METTL15: variants seen among roughly 807,000 people sequenced by gnomAD.
METTL15 encodes 12S rRNA N(4)-cytidine methyltransferase METTL15.
METTL15 carries 34 observed loss-of-function variants against 38.3 expected under a neutral mutation model. The observed-to-expected ratio is 0.89, with a 90% CI of 0.68 to 1.18. The LOEUF (loss-of-function observed/expected upper bound fraction) is 1.18, where lower values mean the gene tolerates loss of function less well. Among genes scored for constraint, METTL15 ranks in the 50% most tolerant of loss-of-function variants. The probability of loss-of-function intolerance (pLI) is 0.00; values close to 1 mark genes in which losing one functional copy is unlikely to be tolerated. For missense variants in METTL15, 438 were observed against 498.4 expected, an observed-to-expected ratio of 0.88 and a Z score of 1.15; for synonymous variants, 162 against 170.9, an observed-to-expected ratio of 0.95 and a Z score of 0.41.
intron 6 of METTL15, among the ~76,000 whole-genome samples, chr11:28,511,044 GA>G (rs1851669591): frequency 6.6e-6 from 1 of 152,128 alleles, no homozygotes; most frequent in African/African-American, 2.4e-5. Flanking sequence ...TACAATTAAA[GA>G]GAACCCAGGA....
chr11:28,354,169 C>T (rs768037279), intron 4 of METTL15, among the ~76,000 whole-genome samples: 1 of 152,136 alleles, frequency 6.6e-6, no homozygotes, highest in Admixed American at 6.5e-5. Flanking sequence ...TAGGAAAGGT[C>T]CCAGCAGAAC....
At chr11:28,386,630 T>G (rs1850443966) in intron 5 of METTL15, among the ~76,000 whole-genome samples, 1 of 152,000 alleles carries the variant, frequency 6.6e-6, no homozygotes, top group Non-Finnish European at 1.5e-5. Context: ...AATATTAGGA[T>G]ACTCTACTTT....
chr11:28,455,422 A>G (rs1006097965), intron 6 of METTL15, among the ~76,000 whole-genome samples: 6 of 151,970 alleles, frequency 3.9e-5, no homozygotes, highest in African/African-American at 1.2e-4. Flanking sequence ...GTTACCATAG[A>G]CAATGCATTA....
rs1236292765 is a variant in METTL15 at position 28,387,898 on chromosome 11, G to T, written c.*358+25862G>T. Among the ~76,000 whole-genome samples the T allele has an allele frequency of 3.9e-5, 6 of 152,190 alleles. No homozygotes were observed. The South Asian group carries it at 1.2e-3, about 32-fold the overall frequency. On this transcript the variant is annotated intron_variant and NMD_transcript_variant, in intron 5 of 7. Transcript: ENST00000532947. ...GCAATGCAAATATGGTTCAGCAAAT[G>T]AAAGTCAATTCAGTGTAACATACTG...
At chr11:28,364,039 C>A (rs1024386019) in intron 5 of METTL15, among the ~76,000 whole-genome samples, 1 of 152,000 alleles carries the variant, frequency 6.6e-6, no homozygotes. Flanking sequence ...CGCTGGTCTG[C>A]GTGCCTGTTT....
intron 4 of METTL15, among the ~76,000 whole-genome samples, chr11:28,237,564 G>A (rs569776188): frequency 7.9e-5 from 12 of 152,170 alleles, no homozygotes; most frequent in South Asian, 6.2e-4. Flanking sequence ...CTTGTAGCTC[G>A]GAATAGTTTG....
At chr11:28,353,897 AGTCCG>A (rs1850066276) in intron 4 of METTL15, among the ~76,000 whole-genome samples, 1 of 146,768 alleles carries the variant, frequency 6.8e-6, no homozygotes, top group Admixed American at 6.9e-5. Context: ...TGCAGTCCGC[AGTCCG>A]GCCTGGGCGA....
chr11:28,115,943 C>CAG (rs1301165436), intron 3 of METTL15, among the ~76,000 whole-genome samples: 2 of 149,994 alleles, frequency 1.3e-5, no homozygotes, highest in Non-Finnish European at 1.5e-5. Context: ...CATACACACA[C>CAG]ACACACACAC....
chr11:28,508,849 G>A (rs1851651548), intron 6 of METTL15, among the ~76,000 whole-genome samples: 1 of 152,194 alleles, frequency 6.6e-6, no homozygotes, highest in South Asian at 2.1e-4. Flanking sequence ...AAAGGCAAGG[G>A]ACATCATTTA....
chr11:28,296,937 C>G lies in METTL15; in HGVS notation c.778+6C>G. 6.2e-7 allele frequency: 1 copy of G among 1,613,224 alleles called. No individual in the cohort carries two copies. The highest frequency in any genetic ancestry group is 1.1e-5 in the South Asian group (1 of 91,056). On this transcript the variant is annotated splice_donor_region_variant and intron_variant, in intron 6 of 6. Transcript: ENST00000407364. Reference sequence around the variant, plus strand: ...GCTTGCCAGCATCGTTGCAGGTAGCCTCATTAATTCTCAACAGTGTCTAAG... The same window carrying G: ...GCTTGCCAGCATCGTTGCAGGTAGCGTCATTAATTCTCAACAGTGTCTAAG...
intron 4 of METTL15, among the ~76,000 whole-genome samples, chr11:28,224,219 A>G (rs1463872740): frequency 1.3e-5 from 2 of 150,884 alleles, no homozygotes; most frequent in Non-Finnish European, 3.0e-5. Flanking sequence ...TCCTGTTTGA[A>G]TTTTTTTTTG....
At chr11:28,135,904 T>G (rs575723118) in intron 3 of METTL15, among the ~76,000 whole-genome samples, 24 of 152,318 alleles carry the variant, frequency 1.6e-4, no homozygotes, top group Admixed American at 3.3e-4. Flanking sequence ...TTCAGTTTTC[T>G]GTTAGTTCAG....
intron 5 of METTL15, among the ~76,000 whole-genome samples, chr11:28,399,763 AT>A (rs975092966): frequency 6.6e-6 from 1 of 151,894 alleles, no homozygotes; most frequent in African/African-American, 2.4e-5. Context: ...CAAAAATAAA[AT>A]TTTAAAAAAT....
chr11:28,480,020 G>C (rs771180456), intron 6 of METTL15, among the ~76,000 whole-genome samples: 8 of 152,066 alleles, frequency 5.3e-5, no homozygotes, highest in Non-Finnish European at 7.4e-5. Context: ...TAACTATTAA[G>C]ATGAAAGTGA....
At chr11:28,317,140 G>A (rs1174616264) in intron 6 of METTL15, among the ~76,000 whole-genome samples, 2 of 150,178 alleles carry the variant, frequency 1.3e-5, no homozygotes, top group East Asian at 2.0e-4. Context: ...TTTCCCTATT[G>A]TATGAGGATT....
intron 6 of METTL15, among the ~76,000 whole-genome samples, chr11:28,494,746 T>G (rs4269909): frequency 1 from 151,805 of 152,256 alleles, 75,680 homozygotes; most frequent in Middle Eastern, 1. Context: ...TTTATAAAAG[T>G]CAGTTCCGCT....
chr11:28,423,937 T>C (rs1850842884), intron 5 of METTL15, among the ~76,000 whole-genome samples: 1 of 152,154 alleles, frequency 6.6e-6, no homozygotes, highest in African/African-American at 2.4e-5. Flanking sequence ...TACACATGCA[T>C]GCTTATATCA....
intron 3 of METTL15, among the ~76,000 whole-genome samples, chr11:28,166,021 A>G (rs945041191): frequency 5.3e-5 from 8 of 152,012 alleles, no homozygotes; most frequent in Non-Finnish European, 7.4e-5. Context: ...TGCCAGTACC[A>G]TACTGTTCTG....
intron 4 of METTL15, among the ~76,000 whole-genome samples, chr11:28,222,027 C>G (rs1446666435): frequency 1.3e-5 from 2 of 152,214 alleles, no homozygotes; most frequent in Non-Finnish European, 2.9e-5. Flanking sequence ...GGCAGTCTGT[C>G]TGTTCTCAGA....
Sources: gnomAD v4.1 joint callset for allele counts (sites outside exome capture counted in the v4.1 genomes callset) on GRCh38, gnomAD v4.1.1 for gene constraint, MANE v1.5 for transcripts, NCBI Gene and HGNC (gene_info 2026-07-23, HGNC 2026-07-21) for gene names.